WWOX: variants seen among roughly 807,000 people sequenced by gnomAD.
WWOX encodes WW domain-containing oxidoreductase.
WWOX carries 69 observed loss-of-function variants against 46.2 expected under a neutral mutation model. That is an observed-to-expected ratio of 1.49 (90% CI 1.23 to 1.82). The LOEUF (loss-of-function observed/expected upper bound fraction) is 1.82. Ranked by LOEUF, WWOX falls within the 40% of genes most tolerant of loss-of-function variation. The pLI is 0.00. For missense variants in WWOX, 919 were observed against 542.6 expected (o/e 1.69, Z -6.89); for synonymous variants, 359 against 202.6 (o/e 1.77, Z -6.56).
chr16:78,511,119 G>T (rs187140734), intron 8 of WWOX, among the ~76,000 whole-genome samples: 1 of 152,216 alleles, frequency 6.6e-6, no homozygotes, highest in African/African-American at 2.4e-5. Flanking sequence ...CAAATTGCAG[G>T]TCCTCCCCTT....
At chr16:79,190,927 T>G (rs2051123159) in intron 8 of WWOX, among the ~76,000 whole-genome samples, 1 of 152,234 alleles carries the variant, frequency 6.6e-6, no homozygotes, top group Non-Finnish European at 1.5e-5. Flanking sequence ...TACCTAAATT[T>G]TGTGAATTGT....
intron 8 of WWOX, among the ~76,000 whole-genome samples, chr16:79,148,445 T>C (rs538085549): frequency 1.3e-5 from 2 of 152,346 alleles, no homozygotes; most frequent in South Asian, 2.1e-4. Context: ...CTGACAATTA[T>C]ACGCTGTCTT....
chr16:78,416,505 A>T (rs1336478413), intron 6 of WWOX, among the ~76,000 whole-genome samples: 1 of 152,196 alleles, frequency 6.6e-6, no homozygotes, highest in Non-Finnish European at 1.5e-5. Context: ...AAGGGTATTA[A>T]AATTTGGTGA....
Position 78,972,116 on chromosome 16 carries a change from C to T in WWOX, c.1057-239492C>T, listed in dbSNP as rs144517069. ...GACCTCTCAGGAAAGAGCAGGCTGT[C>T]GTCCTGCATTGGAGGAGGAAGCTTG... is the stretch of plus-strand genomic sequence containing the variant. On this transcript the variant is annotated intron_variant, in intron 8 of 8. Transcript: ENST00000566780. Among the ~76,000 whole-genome samples the T allele has an allele frequency of 7.2e-3, 1,096 of 152,284 alleles. 14 individuals are homozygous for T. The highest frequency in any genetic ancestry group is 0.025 in the African/African-American group (1,046 of 41,552).
intron 6 of WWOX, among the ~76,000 whole-genome samples, chr16:78,399,405 G>T (rs894547251): frequency 6.6e-6 from 1 of 152,136 alleles, no homozygotes; most frequent in African/African-American, 2.4e-5. Flanking sequence ...TAACCCAAAG[G>T]TTTTCTTACA....
At chr16:78,596,467 C>T (rs990856241) in intron 8 of WWOX, among the ~76,000 whole-genome samples, 6 of 151,804 alleles carry the variant, frequency 4.0e-5, no homozygotes, top group Non-Finnish European at 5.9e-5. Context: ...CCAGTCCTGC[C>T]CCAGCAGGGC....
At chr16:78,805,347 G>T (rs563275514) in intron 8 of WWOX, among the ~76,000 whole-genome samples, 4 of 152,096 alleles carry the variant, frequency 2.6e-5, no homozygotes, top group East Asian at 3.9e-4. Flanking sequence ...TGCAAGCTCC[G>T]CCTCCCGGGT....
At chr16:78,267,051 T>G (rs1395237431) in intron 5 of WWOX, 1 of 162,308 alleles carries the variant, frequency 6.2e-6, no homozygotes, top group Non-Finnish European at 1.3e-5. Flanking sequence ...TGCTTCTTCC[T>G]CATTTTCTCT....
chr16:78,615,969 C>T (rs952147634), intron 8 of WWOX, among the ~76,000 whole-genome samples: 3 of 152,110 alleles, frequency 2.0e-5, no homozygotes, highest in East Asian at 1.9e-4. Context: ...CCAGGATGGT[C>T]TCGATCTCCT....
intron 4 of WWOX, among the ~76,000 whole-genome samples, chr16:78,130,624 G>A (rs527310588): frequency 8.5e-5 from 13 of 152,324 alleles, no homozygotes; most frequent in Admixed American, 6.5e-4. Flanking sequence ...CAGTTTACCT[G>A]CCTGCTTCCT....
chr16:78,735,186 C>A (rs1401952624), intron 8 of WWOX, among the ~76,000 whole-genome samples: 1 of 151,948 alleles, frequency 6.6e-6, no homozygotes, highest in Admixed American at 6.6e-5. Context: ...TCTTTTCCTG[C>A]CTTCAGACTT....
At chr16:78,420,037 C>G (rs55983288) in intron 6 of WWOX, among the ~76,000 whole-genome samples, 13,237 of 152,084 alleles carry the variant, frequency 0.087, 1,679 homozygotes, top group African/African-American at 0.28. Flanking sequence ...GATGTTCAAT[C>G]TCATTAGGGA....
At chr16:78,911,125 A>T (rs1035755019) in intron 8 of WWOX, among the ~76,000 whole-genome samples, 1 of 151,928 alleles carries the variant, frequency 6.6e-6, no homozygotes, top group African/African-American at 2.4e-5. Flanking sequence ...CTCAGACAGG[A>T]GTCTGCTTGT....
At chr16:79,026,236 C>T (rs1455490111) in intron 8 of WWOX, among the ~76,000 whole-genome samples, 1 of 151,778 alleles carries the variant, frequency 6.6e-6, no homozygotes, top group Admixed American at 6.6e-5. Context: ...GTTGACACTT[C>T]CCTTCTCTGT....
intron 8 of WWOX, among the ~76,000 whole-genome samples, chr16:78,489,499 C>T (rs1567602575): frequency 6.6e-6 from 1 of 152,040 alleles, no homozygotes; most frequent in Non-Finnish European, 1.5e-5. Context: ...ACCACTTTCC[C>T]AGTGAGACTT....
intron 8 of WWOX, among the ~76,000 whole-genome samples, chr16:78,718,719 A>G (rs1182139378): frequency 6.6e-6 from 1 of 152,218 alleles, no homozygotes; most frequent in East Asian, 1.9e-4. Flanking sequence ...ATAGCTTAGG[A>G]GAGTTCCAAT....
At chr16:78,858,295 C>T (rs771519766) in intron 8 of WWOX, among the ~76,000 whole-genome samples, 1 of 145,916 alleles carries the variant, frequency 6.9e-6, no homozygotes, top group Admixed American at 6.9e-5. Flanking sequence ...ATCTGAGCAG[C>T]ATATGCTGTA....
At chr16:78,220,498 T>C (rs555818015) in intron 5 of WWOX, among the ~76,000 whole-genome samples, 80 of 152,202 alleles carry the variant, frequency 5.3e-4, no homozygotes, top group Non-Finnish European at 9.6e-4. Flanking sequence ...TCTCCCATGG[T>C]TATTTTCTGA....
intron 4 of WWOX, among the ~76,000 whole-genome samples, chr16:78,131,989 C>A (rs2033614011): frequency 6.7e-6 from 1 of 149,550 alleles, no homozygotes; most frequent in African/African-American, 2.5e-5. Flanking sequence ...TTAAGTCTTA[C>A]TACTAGTCTC....
Sources: allele counts gnomAD v4.1 joint callset (sites outside exome capture counted in the v4.1 genomes callset), GRCh38; gene constraint gnomAD v4.1.1; transcripts MANE v1.5; gene names NCBI Gene and HGNC (gene_info 2026-07-23, HGNC 2026-07-21).